The following ERG variants were observed in gnomAD, a reference collection of about 807,000 sequenced individuals.
ERG encodes the protein ETS transcription factor ERG, also known as transcriptional regulator ERG.
A neutral mutation model predicts 55.3 loss-of-function variants in ERG; 9 were observed. The observed-to-expected ratio is 0.16, with a 90% CI of 0.10 to 0.28. The LOEUF (loss-of-function observed/expected upper bound fraction) is 0.28. Among genes scored for constraint, ERG ranks in the 10% least tolerant of loss-of-function variants. The pLI, the probability that ERG is intolerant of heterozygous loss-of-function variation, is 1.00. For synonymous variants in ERG, 223 were observed against 237.3 expected (o/e 0.94, Z 0.55); for missense variants, 434 against 631.6 (o/e 0.69, Z 3.35).
chr21:38,464,082 T>G (rs1487674423), intron 1 of ERG, among the ~76,000 whole-genome samples: 1 of 152,186 alleles, frequency 6.6e-6, no homozygotes, highest in African/African-American at 2.4e-5. Flanking sequence ...TTCATGTTTT[T>G]TTTTTATGAA....
At chr21:38,495,414 A>G (rs1385847188) in intron 1 of ERG, among the ~76,000 whole-genome samples, 1 of 152,240 alleles carries the variant, frequency 6.6e-6, no homozygotes, top group Non-Finnish European at 1.5e-5. Context: ...GTCTCCACCA[A>G]GCCTTGTTAG....
At position 38,463,988 on chromosome 21, in the gene ERG, A is replaced by T. The variant is rs2059066566; in HGVS notation, c.19-18367T>A. Among the ~76,000 whole-genome samples the T allele has an allele frequency of 2.0e-5, 3 of 152,298 alleles. No individual in the cohort carries two copies. In the South Asian group the frequency reaches 6.2e-4, roughly 32 times the overall value. ...GTCGTCTAAGCAGCAAGGGTGCATC[A>T]AAGCAGGATTTTCTCCATTGATTCC... On this transcript the variant is annotated intron_variant, in intron 1 of 9. Coordinates refer to ENST00000288319, the MANE Select transcript of ERG (RefSeq NM_182918.4).
intron 1 of ERG, among the ~76,000 whole-genome samples, chr21:38,657,998 G>A (rs12482315): frequency 6.6e-6 from 1 of 152,172 alleles, no homozygotes; most frequent in Admixed American, 6.5e-5. Flanking sequence ...TGTTACATCA[G>A]CCTATTTTTC....
intron 2 of ERG, among the ~76,000 whole-genome samples, chr21:38,445,030 A>T (rs929214548): frequency 1.3e-5 from 2 of 152,106 alleles, no homozygotes; most frequent in African/African-American, 4.8e-5. Context: ...TGGTAAATAT[A>T]CTACTAATTT....
At chr21:38,582,789 C>T (rs2060038222) in intron 1 of ERG, among the ~76,000 whole-genome samples, 1 of 152,098 alleles carries the variant, frequency 6.6e-6, no homozygotes, top group Non-Finnish European at 1.5e-5. Context: ...CTCTGTCGCC[C>T]AGGCTGGAGC....
chr21:38,643,166 G>A (rs1405963693), intron 1 of ERG, among the ~76,000 whole-genome samples: 2 of 152,220 alleles, frequency 1.3e-5, no homozygotes, highest in Middle Eastern at 3.2e-3. Context: ...TGTAAGAAAA[G>A]GGCTTTCCCA....
chr21:38,542,501 A>G (rs1415614951), intron 2 of ERG, among the ~76,000 whole-genome samples: 3 of 152,224 alleles, frequency 2.0e-5, no homozygotes, highest in South Asian at 2.1e-4. Context: ...AAATGTGTTT[A>G]TATCAGTTGG....
chr21:38,611,651 T>C (rs1044780405), intron 1 of ERG, among the ~76,000 whole-genome samples: 3 of 152,170 alleles, frequency 2.0e-5, no homozygotes, highest in African/African-American at 7.2e-5. Flanking sequence ...ACACTCTCCA[T>C]TTGCTGCCTC....
chr21:38,500,103 T>C (rs2059410292), upstream of ERG, among the ~76,000 whole-genome samples: 1 of 152,034 alleles, frequency 6.6e-6, no homozygotes. Context: ...AATTCTGGAG[T>C]GCGGAGGAGA....
At chr21:38,369,099 T>C in the ERG span, among the ~76,000 whole-genome samples, 1 of 152,232 alleles carries the variant, frequency 6.6e-6, no homozygotes, top group Non-Finnish European at 1.5e-5. Context: ...GTCTTTATAA[T>C]AGAATGTTTT....
chr21:38,404,381 C>T (rs1353262796), intron 3 of ERG, among the ~76,000 whole-genome samples: 1 of 152,168 alleles, frequency 6.6e-6, no homozygotes, highest in Non-Finnish European at 1.5e-5. Flanking sequence ...TTGCATTCCA[C>T]AGCTGGCCAT....
At chr21:38,583,452 G>C (rs559805378) in intron 1 of ERG, among the ~76,000 whole-genome samples, 7 of 152,160 alleles carry the variant, frequency 4.6e-5, no homozygotes, top group Non-Finnish European at 8.8e-5. Flanking sequence ...GAATACCAGC[G>C]GGAGACAGAA....
intron 1 of ERG, among the ~76,000 whole-genome samples, chr21:38,645,001 T>C (rs908403286): frequency 6.6e-6 from 1 of 151,994 alleles, no homozygotes; most frequent in Admixed American, 6.6e-5. Flanking sequence ...TACAAAAATA[T>C]TTTAAAACTT....
intron 1 of ERG, among the ~76,000 whole-genome samples, chr21:38,591,183 G>C (rs960564882): frequency 2.6e-5 from 4 of 152,176 alleles, no homozygotes; most frequent in Admixed American, 6.5e-5. Context: ...GTTCAGTGTC[G>C]CAACTGCAGA....
chr21:38,436,213 G>A (rs1459543760), intron 2 of ERG, among the ~76,000 whole-genome samples: 1 of 151,624 alleles, frequency 6.6e-6, no homozygotes, highest in Non-Finnish European at 1.5e-5. Context: ...GTTTCACCAT[G>A]TTGGCCAGGC....
intron 2 of ERG, among the ~76,000 whole-genome samples, chr21:38,518,905 T>C (rs999662447): frequency 2.0e-5 from 3 of 152,156 alleles, no homozygotes; most frequent in Admixed American, 6.5e-5. Context: ...CTACTATTCA[T>C]ATCCAGAATA....
intron 1 of ERG, among the ~76,000 whole-genome samples, chr21:38,484,099 C>T (rs891522636): frequency 3.9e-5 from 6 of 152,198 alleles, no homozygotes; most frequent in Admixed American, 2.6e-4. Flanking sequence ...TAACAACACA[C>T]GTTTTGAGTT....
At chr21:38,630,280 A>G (rs1267323681) in intron 1 of ERG, among the ~76,000 whole-genome samples, 3 of 152,212 alleles carry the variant, frequency 2.0e-5, no homozygotes, top group East Asian at 3.8e-4. Flanking sequence ...ATGTTTTACC[A>G]CAGTAGATTT....
chr21:38,460,216 T>C lies in ERG; in HGVS notation c.19-14595A>G, dbSNP rs973711480. Among the ~76,000 whole-genome samples the C allele has an allele frequency of 1.3e-5, 2 of 151,932 alleles. No homozygotes were observed. Among genetic ancestry groups the C allele is most frequent in the African/African-American group, 4.8e-5 (2 of 41,360 alleles). On this transcript the variant is annotated intron_variant, in intron 1 of 9. Transcript: ENST00000288319. The surrounding 1 kb of genome is among the most constrained non-coding windows in gnomAD (Gnocchi z 5.0). The stretch of plus-strand genomic sequence containing the variant: ...AGAACAGCCAGGGAGGAGGGGTTAC[T>C]GGAAAGGAGCGAAAGAAAGAACCAG...
Sources: gnomAD v4.1 joint callset for allele counts (sites outside exome capture counted in the v4.1 genomes callset) on GRCh38, gnomAD v4.1.1 for gene constraint, Gnocchi (gnomAD v3.1) non-coding constraint, MANE v1.5 for transcripts, NCBI Gene and HGNC (gene_info 2026-07-23, HGNC 2026-07-21) for gene names.